Variants in TAF3 observed in about 807,000 individuals in gnomAD.
The protein encoded by TAF3 is TATA-box binding protein associated factor 3.
Under a neutral mutation model 80.6 loss-of-function variants are expected in TAF3, and 7 were observed. That is an observed-to-expected ratio of 0.09 (90% CI 0.05 to 0.16). The LOEUF is 0.16. Among genes scored for constraint, TAF3 ranks in the 10% least tolerant of loss-of-function variants. The pLI, the probability that TAF3 is intolerant of heterozygous loss-of-function variation, is 1.00. For synonymous variants in TAF3, 444 were observed against 446.1 expected (o/e 1.00, Z 0.06); for missense variants, 921 against 1,140.2 (o/e 0.81, Z 2.77).
At chr10:7,948,832 A>T (rs560361866) in intron 2 of TAF3, among the ~76,000 whole-genome samples, 2 of 152,158 alleles carry the variant, frequency 1.3e-5, no homozygotes, top group Non-Finnish European at 2.9e-5. Flanking sequence ...TTTCTTTCGA[A>T]TCTTGCTTCC....
chr10:7,822,331 G>A (rs1004026863), intron 1 of TAF3, among the ~76,000 whole-genome samples: 1 of 151,956 alleles, frequency 6.6e-6, no homozygotes, highest in Non-Finnish European at 1.5e-5. Flanking sequence ...GCATATGGAG[G>A]AATTTAAGAT....
At chr10:7,935,452 C>G (rs1243728158) in intron 2 of TAF3, among the ~76,000 whole-genome samples, 1 of 148,608 alleles carries the variant, frequency 6.7e-6, no homozygotes, top group African/African-American at 2.5e-5. Flanking sequence ...GGCGTGGTGG[C>G]GGGCGCCTGT....
At chr10:7,867,270 C>T (rs374058116) in intron 2 of TAF3, among the ~76,000 whole-genome samples, 1 of 151,168 alleles carries the variant, frequency 6.6e-6, no homozygotes, top group Non-Finnish European at 1.5e-5. Flanking sequence ...CACACACACA[C>T]AAAAAACAAA....
intron 1 of TAF3, among the ~76,000 whole-genome samples, chr10:7,822,986 A>G (rs1444600975): frequency 3.9e-5 from 6 of 152,154 alleles, no homozygotes; most frequent in African/African-American, 9.7e-5. Flanking sequence ...TTGGTGGTGC[A>G]CTGGTAGTCC....
chr10:7,908,019 C>T (rs1837621914), intron 2 of TAF3, among the ~76,000 whole-genome samples: 1 of 152,206 alleles, frequency 6.6e-6, no homozygotes, highest in Non-Finnish European at 1.5e-5. Flanking sequence ...TGCAGATTTG[C>T]TCAGCAGCGT....
At chr10:7,891,968 C>T (rs1006058254) in intron 2 of TAF3, among the ~76,000 whole-genome samples, 2 of 152,152 alleles carry the variant, frequency 1.3e-5, no homozygotes, top group African/African-American at 4.8e-5. Context: ...TAAATTGTAA[C>T]AGTGAATGAC....
chr10:7,926,109 A>G (rs1039833747), intron 2 of TAF3, among the ~76,000 whole-genome samples: 11 of 152,210 alleles, frequency 7.2e-5, no homozygotes, highest in African/African-American at 2.7e-4. Flanking sequence ...AAGATCTCTG[A>G]TCTTTAAAAA....
intron 2 of TAF3, among the ~76,000 whole-genome samples, chr10:7,925,928 G>T (rs1837811191): frequency 6.6e-6 from 1 of 151,608 alleles, no homozygotes; most frequent in Non-Finnish European, 1.5e-5. Context: ...CTTAAGACTG[G>T]TAAGGCCAGG....
rs192795498 is a variant in TAF3 at position 7,982,916 on chromosome 10, A to T, written c.2315+5593A>T. Among the ~76,000 whole-genome samples, 553 of 152,324 alleles carry T rather than the reference A, an allele frequency of 3.6e-3. 2 individuals are homozygous for T. Among genetic ancestry groups the T allele is most frequent in the African/African-American group, 0.013 (528 of 41,586 alleles). On this transcript the variant is annotated intron_variant, in intron 4 of 6. Coordinates refer to ENST00000344293, the MANE Select transcript of TAF3 (RefSeq NM_031923.4). ...AACAGCTCAGTGCTGACAGCTCTTA[A>T]GCACCTCTTCATCTCTAGTGGAAAC...
At chr10:7,921,300 T>C (rs867467442) in intron 2 of TAF3, among the ~76,000 whole-genome samples, 7 of 152,316 alleles carry the variant, frequency 4.6e-5, no homozygotes, top group Middle Eastern at 6.8e-3. Flanking sequence ...TAATGTAGTA[T>C]GTAGGCTACT....
chr10:7,903,501 A>C (rs1201446385), intron 2 of TAF3, among the ~76,000 whole-genome samples: 1 of 152,232 alleles, frequency 6.6e-6, no homozygotes, highest in African/African-American at 2.4e-5. Context: ...TAATAAGGAC[A>C]ACGGTGTTTA....
At chr10:7,945,575 C>T (rs1838016789) in intron 2 of TAF3, among the ~76,000 whole-genome samples, 1 of 152,138 alleles carries the variant, frequency 6.6e-6, no homozygotes, top group Non-Finnish European at 1.5e-5. Flanking sequence ...CAGGCCTGCC[C>T]TCGCACTGCA....
At chr10:7,948,459 G>T (rs1374034140) in intron 2 of TAF3, among the ~76,000 whole-genome samples, 1 of 152,120 alleles carries the variant, frequency 6.6e-6, no homozygotes, top group Non-Finnish European at 1.5e-5. Flanking sequence ...ACTCATAGAT[G>T]GATGAACTGT....
chr10:7,827,779 C>CAAAAAA (rs71515491), intron 2 of TAF3, among the ~76,000 whole-genome samples: 10 of 94,882 alleles, frequency 1.1e-4, no homozygotes, highest in Admixed American at 2.3e-4. Flanking sequence ...GACTCTGTCT[C>CAAAAAA]AAAAAAAAAA....
At chr10:8,006,333 G>A (rs1337109831) in intron 4 of TAF3, among the ~76,000 whole-genome samples, 8 of 151,464 alleles carry the variant, frequency 5.3e-5, no homozygotes, top group South Asian at 2.1e-4. Context: ...TCAAGACTGC[G>A]CCATTACACT....
intron 2 of TAF3, among the ~76,000 whole-genome samples, chr10:7,957,294 G>A (rs1382193315): frequency 1.3e-5 from 2 of 152,150 alleles, no homozygotes; most frequent in African/African-American, 4.8e-5. Flanking sequence ...GCAGACGATG[G>A]GGAGATTAGG....
At chr10:7,830,328 C>T (rs1836785769) in intron 2 of TAF3, among the ~76,000 whole-genome samples, 1 of 150,286 alleles carries the variant, frequency 6.7e-6, no homozygotes, top group African/African-American at 2.4e-5. Flanking sequence ...CCACCCCTTC[C>T]TCCCTCCCTC....
chr10:7,951,794 C>A (rs1838085605), intron 2 of TAF3, among the ~76,000 whole-genome samples: 1 of 152,116 alleles, frequency 6.6e-6, no homozygotes, highest in Non-Finnish European at 1.5e-5. Flanking sequence ...TTCTGTTAAC[C>A]CAAACTGGCA....
At chr10:7,826,078 AGTT>A (rs1214234153) in intron 2 of TAF3, among the ~76,000 whole-genome samples, 1 of 152,188 alleles carries the variant, frequency 6.6e-6, no homozygotes, top group Non-Finnish European at 1.5e-5. Flanking sequence ...ATTTGGCATA[AGTT>A]GTTGTACAGT....
Sources: allele counts gnomAD v4.1 joint callset (sites outside exome capture counted in the v4.1 genomes callset), GRCh38; gene constraint gnomAD v4.1.1; transcripts MANE v1.5; gene names NCBI Gene and HGNC (gene_info 2026-07-23, HGNC 2026-07-21).